MAN2A1: variants seen among roughly 807,000 people sequenced by gnomAD.
MAN2A1 encodes the protein alpha-mannosidase 2.
Under a neutral mutation model 142.6 loss-of-function variants are expected in MAN2A1, and 76 were observed. The ratio of observed to expected loss-of-function variants is 0.53; its 90% CI spans 0.44 to 0.65. MAN2A1 has a LOEUF of 0.65. MAN2A1 is among the 30% of genes least tolerant of loss of function. The pLI, the probability that MAN2A1 is intolerant of heterozygous loss-of-function variation, is 0.00. For synonymous variants in MAN2A1, 559 were observed against 473.2 expected, an observed-to-expected ratio of 1.18 and a Z score of -2.35; for missense variants, 1,311 against 1,365.1, an observed-to-expected ratio of 0.96 and a Z score of 0.62.
intron 4 of MAN2A1, among the ~76,000 whole-genome samples, chr5:109,736,510 G>A (rs2416217): frequency 1.3e-5 from 2 of 151,474 alleles, no homozygotes; most frequent in African/African-American, 4.8e-5. Flanking sequence ...GGGCAAGACC[G>A]GAACTCTAAA....
At chr5:109,698,494 G>A (rs781472050) in intron 1 of MAN2A1, among the ~76,000 whole-genome samples, 3 of 151,254 alleles carry the variant, frequency 2.0e-5, no homozygotes, top group Non-Finnish European at 2.9e-5. Context: ...GGGGTAATGC[G>A]TCTCATCGAG....
Position 109,729,479 on chromosome 5 carries a change from A to G in MAN2A1, c.673A>G (p.Ile225Val), listed in dbSNP as rs199552271. Residue 225 changes from isoleucine to valine, a missense_variant, in exon 4 of 22, where the codon ATT (isoleucine) becomes GTT (valine). Transcript: ENST00000261483. The part of the protein sequence containing the change: ...EISYLSKWWD[I>V]IDIQKKDAVK... ...CTCTTACCTTTCAAAGTGGTGGGAT[A>G]TTATAGATATTCAGAAGAAGGATGC... 2.2e-4 allele frequency: 337 copies of G among 1,559,376 alleles called. No individual in the cohort carries two copies. The highest frequency in any genetic ancestry group is 2.7e-4 in the Non-Finnish European group (317 of 1,156,142).
At chr5:109,721,020 T>A (rs1222460006) in intron 3 of MAN2A1, among the ~76,000 whole-genome samples, 4 of 152,258 alleles carry the variant, frequency 2.6e-5, no homozygotes, top group African/African-American at 9.6e-5. Context: ...GTTCTGGCAT[T>A]TATTGCCTGT....
chr5:109,817,171 T>A, intron 12 of MAN2A1, 102 bp from the exon 13 acceptor site: 1 of 992,370 alleles, frequency 1.0e-6, no homozygotes, highest in Non-Finnish European at 1.4e-6. Flanking sequence ...ATCTCAAAAA[T>A]ATATATGTAT....
chr5:109,723,160 T>G (rs982291408), intron 3 of MAN2A1, among the ~76,000 whole-genome samples: 1 of 152,178 alleles, frequency 6.6e-6, no homozygotes, highest in Non-Finnish European at 1.5e-5. Flanking sequence ...CTAACAATAA[T>G]GCAAATAGGT....
chr5:109,701,865 G>C (rs906457361), intron 1 of MAN2A1, among the ~76,000 whole-genome samples: 5 of 152,192 alleles, frequency 3.3e-5, no homozygotes, highest in Admixed American at 3.3e-4. Flanking sequence ...ATTTGCAGAA[G>C]GAGATAGGGA....
intron 7 of MAN2A1, among the ~76,000 whole-genome samples, chr5:109,773,563 A>G (rs757320035): frequency 6.6e-6 from 1 of 152,162 alleles, no homozygotes; most frequent in Non-Finnish European, 1.5e-5. Flanking sequence ...GAATGTTAGT[A>G]AATTACTAGT....
chr5:109,735,704 A>T (rs1752071701), intron 4 of MAN2A1, among the ~76,000 whole-genome samples: 2 of 152,162 alleles, frequency 1.3e-5, no homozygotes, highest in South Asian at 2.1e-4. Flanking sequence ...TCTTAACTAT[A>T]TTAAAAAGTT....
chr5:109,827,452 A>C (rs1754786653), intron 16 of MAN2A1, among the ~76,000 whole-genome samples: 1 of 152,216 alleles, frequency 6.6e-6, no homozygotes. Context: ...ATTAAGCTTC[A>C]GGAGAAAACA....
chr5:109,804,262 A>G, intron 12 of MAN2A1: 1 of 987,484 alleles, frequency 1.0e-6, no homozygotes, highest in Non-Finnish European at 1.2e-6. Flanking sequence ...ACTTCAGAAC[A>G]CCTCACAACT....
At chr5:109,751,226 C>T (rs1374655970) in intron 4 of MAN2A1, among the ~76,000 whole-genome samples, 1 of 151,564 alleles carries the variant, frequency 6.6e-6, no homozygotes, top group African/African-American at 2.4e-5. Context: ...TTTTAGCTCC[C>T]AAATATGAGT....
intron 1 of MAN2A1, among the ~76,000 whole-genome samples, chr5:109,699,026 C>G (rs970337356): frequency 6.6e-6 from 1 of 152,122 alleles, no homozygotes; most frequent in African/African-American, 2.4e-5. Context: ...GAATTTAACT[C>G]AATACCCCCT....
chr5:109,807,516 G>T (rs1433759286), intron 12 of MAN2A1, among the ~76,000 whole-genome samples: 1 of 152,110 alleles, frequency 6.6e-6, no homozygotes, highest in Non-Finnish European at 1.5e-5. Context: ...TCATTTCTTT[G>T]CCTTTTCCTT....
At chr5:109,784,047 A>G (rs962554838) in intron 9 of MAN2A1, among the ~76,000 whole-genome samples, 2 of 151,938 alleles carry the variant, frequency 1.3e-5, no homozygotes, top group African/African-American at 2.4e-5. Context: ...GAGTCTCTCT[A>G]TGTTGTCCAG....
intron 16 of MAN2A1, among the ~76,000 whole-genome samples, chr5:109,828,182 C>T (rs577257442): frequency 6.6e-6 from 1 of 151,796 alleles, no homozygotes; most frequent in South Asian, 2.1e-4. Flanking sequence ...TTAATAAATC[C>T]ATTTTATAGC....
chr5:109,857,870 C>T (rs1469477025), intron 20 of MAN2A1, among the ~76,000 whole-genome samples: 1 of 152,164 alleles, frequency 6.6e-6, no homozygotes, highest in African/African-American at 2.4e-5. Flanking sequence ...GGGCCACCCT[C>T]CCTACCTGTG....
intron 4 of MAN2A1, among the ~76,000 whole-genome samples, chr5:109,743,211 A>G (rs1266421020): frequency 2.0e-5 from 3 of 152,016 alleles, no homozygotes; most frequent in South Asian, 4.2e-4. Flanking sequence ...TTACTTCCCC[A>G]ATGTTCCTGT....
At chr5:109,840,273 T>G in intron 16 of MAN2A1, 1 of 288,108 alleles carries the variant, frequency 3.5e-6, no homozygotes, top group Non-Finnish European at 6.8e-6. Flanking sequence ...TTTTCATATT[T>G]TCGTCTAAAG....
chr5:109,704,491 T>C (rs898969960), intron 1 of MAN2A1, among the ~76,000 whole-genome samples: 1 of 152,208 alleles, frequency 6.6e-6, no homozygotes, highest in Non-Finnish European at 1.5e-5. Flanking sequence ...TATAACTGGC[T>C]TGTGGCTCAT....
Sources: gnomAD v4.1 joint callset for allele counts (sites outside exome capture counted in the v4.1 genomes callset) on GRCh38, gnomAD v4.1.1 for gene constraint, MANE v1.5 for transcripts, NCBI Gene and HGNC (gene_info 2026-07-23, HGNC 2026-07-21) for gene names.